PDE1C: variants seen among roughly 807,000 people sequenced by gnomAD.
The protein encoded by PDE1C is phosphodiesterase 1C, also known as dual specificity calcium/calmodulin-dependent 3',5'-cyclic nucleotide phosphodiesterase 1C.
A neutral mutation model predicts 93.1 loss-of-function variants in PDE1C; 62 were observed. That is an observed-to-expected ratio of 0.67 (90% CI 0.54 to 0.82). The LOEUF is 0.82. PDE1C is among the 40% of genes least tolerant of loss of function. The probability of loss-of-function intolerance (pLI) is 0.00; values close to 1 mark genes in which losing one functional copy is unlikely to be tolerated. For synonymous variants in PDE1C, 325 were observed against 310.1 expected, an observed-to-expected ratio of 1.05 and a Z score of -0.50; for missense variants, 742 against 884.6, an observed-to-expected ratio of 0.84 and a Z score of 2.04.
chr7:32,269,671 G>A (rs1189055748), intron 1 of PDE1C, among the ~76,000 whole-genome samples: 1 of 152,108 alleles, frequency 6.6e-6, no homozygotes, highest in African/African-American at 2.4e-5. Flanking sequence ...GTAGAGACGG[G>A]GTTTCACCAT....
At chr7:32,388,845 C>G (rs1374950629) in intron 1 of PDE1C, among the ~76,000 whole-genome samples, 1 of 152,048 alleles carries the variant, frequency 6.6e-6, no homozygotes, top group Non-Finnish European at 1.5e-5. Context: ...GGGAAACCGT[C>G]TAGAGAATTC....
At chr7:31,694,972 A>C in the PDE1C span, among the ~76,000 whole-genome samples, 1 of 152,192 alleles carries the variant, frequency 6.6e-6, no homozygotes, top group African/African-American at 2.4e-5. Flanking sequence ...CAAGGTCTGG[A>C]TCACCAGGAG....
At chr7:31,681,951 TG>T in the PDE1C span, among the ~76,000 whole-genome samples, 1 of 152,338 alleles carries the variant, frequency 6.6e-6, no homozygotes, top group South Asian at 2.1e-4. Context: ...CTCCCTTAAC[TG>T]TATGTATTCT....
At chr7:31,830,856 A>G (rs1790296192) in intron 11 of PDE1C, among the ~76,000 whole-genome samples, 1 of 152,178 alleles carries the variant, frequency 6.6e-6, no homozygotes, top group African/African-American at 2.4e-5. Context: ...ACGGTCTAAA[A>G]TCATTGCTTA....
intron 7 of PDE1C, among the ~76,000 whole-genome samples, chr7:31,855,080 A>C (rs970409483): frequency 6.6e-6 from 1 of 151,568 alleles, no homozygotes; most frequent in Non-Finnish European, 1.5e-5. Context: ...AAAAAAAAAA[A>C]AAAAAAAAAA....
At chr7:32,223,419 G>A (rs1807024782) in intron 1 of PDE1C, among the ~76,000 whole-genome samples, 1 of 152,138 alleles carries the variant, frequency 6.6e-6, no homozygotes, top group Admixed American at 6.5e-5. Flanking sequence ...GGGAAGTTAG[G>A]TGACCCACCA....
chr7:32,265,288 C>T (rs987353489), intron 1 of PDE1C, among the ~76,000 whole-genome samples: 1 of 152,172 alleles, frequency 6.6e-6, no homozygotes, highest in Non-Finnish European at 1.5e-5. Context: ...CTCTATCCTT[C>T]GGCTCCAGGG....
the PDE1C span, chr7:31,696,138 C>G: frequency 6.6e-6 from 1 of 152,436 alleles, no homozygotes; most frequent in Non-Finnish European, 1.5e-5. Flanking sequence ...GTCTGCTGAA[C>G]AGCTAACATG....
intron 3 of PDE1C, among the ~76,000 whole-genome samples, chr7:32,165,858 C>A (rs1195403997): frequency 1.3e-5 from 2 of 152,088 alleles, no homozygotes; most frequent in African/African-American, 2.4e-5. Flanking sequence ...TGATCCTGGA[C>A]CAGCAGCATC....
chr7:31,914,380 G>C (rs1261543699), intron 2 of PDE1C, among the ~76,000 whole-genome samples: 1 of 152,182 alleles, frequency 6.6e-6, no homozygotes, highest in Admixed American at 6.6e-5. Context: ...GAAGAACTTA[G>C]TGATTCTACA....
chr7:31,936,532 C>A (rs1262636814), intron 2 of PDE1C, among the ~76,000 whole-genome samples: 1 of 152,030 alleles, frequency 6.6e-6, no homozygotes, highest in Admixed American at 6.6e-5. Context: ...GCAGGACGTG[C>A]CAATAGCATC....
intron 3 of PDE1C, among the ~76,000 whole-genome samples, chr7:32,131,071 T>C (rs1265856900): frequency 2.6e-5 from 4 of 152,142 alleles, no homozygotes; most frequent in African/African-American, 9.7e-5. Context: ...GCTGGAACTT[T>C]CCCACAGGTT....
intron 2 of PDE1C, among the ~76,000 whole-genome samples, chr7:31,956,954 T>C (rs779636960): frequency 6.6e-6 from 1 of 151,978 alleles, no homozygotes; most frequent in Non-Finnish European, 1.5e-5. Flanking sequence ...ATAAATATTC[T>C]TCCTAATAAG....
chr7:32,079,112 C>A (rs1306080658), intron 3 of PDE1C, among the ~76,000 whole-genome samples: 1 of 152,172 alleles, frequency 6.6e-6, no homozygotes, highest in African/African-American at 2.4e-5. Flanking sequence ...AGATTCTTTT[C>A]TCTGTATCTG....
intron 1 of PDE1C, among the ~76,000 whole-genome samples, chr7:32,385,799 C>T (rs1258094320): frequency 6.6e-6 from 1 of 152,084 alleles, no homozygotes; most frequent in African/African-American, 2.4e-5. Context: ...CATGCTGGAG[C>T]GAGTATGGGA....
chr7:31,674,366 G>A, the PDE1C span, among the ~76,000 whole-genome samples: 2 of 152,114 alleles, frequency 1.3e-5, no homozygotes, highest in African/African-American at 4.8e-5. Context: ...GTAGGTATTT[G>A]AGTATTTCCT....
At chr7:32,413,874 G>A (rs897053672) in intron 1 of PDE1C, among the ~76,000 whole-genome samples, 7 of 152,098 alleles carry the variant, frequency 4.6e-5, no homozygotes, top group Non-Finnish European at 7.4e-5. Context: ...TCACAGAATT[G>A]TTTATAATAG....
the PDE1C span, among the ~76,000 whole-genome samples, chr7:31,620,932 G>A: frequency 1.3e-5 from 2 of 151,974 alleles, no homozygotes; most frequent in South Asian, 2.1e-4. Flanking sequence ...GGAGCTGAAA[G>A]CCAAGGCTCA....
At chr7:32,283,511 G>A (rs574575050) in intron 1 of PDE1C, among the ~76,000 whole-genome samples, 11 of 152,338 alleles carry the variant, frequency 7.2e-5, no homozygotes, top group Middle Eastern at 3.4e-3. Flanking sequence ...AACAATGGTA[G>A]TAATAGCATG....
Sources: gnomAD v4.1 joint callset for allele counts (sites outside exome capture counted in the v4.1 genomes callset) on GRCh38, gnomAD v4.1.1 for gene constraint, MANE v1.5 for transcripts, NCBI Gene and HGNC (gene_info 2026-07-23, HGNC 2026-07-21) for gene names.